Variants in KSR2 observed in about 807,000 individuals in gnomAD.
KSR2 encodes the protein kinase suppressor of ras 2.
In KSR2, 25 loss-of-function variants were observed where a neutral mutation model predicts 107.8. That is an observed-to-expected ratio of 0.23 (90% confidence interval 0.17 to 0.32). KSR2 has a LOEUF of 0.32. Ranked by LOEUF, KSR2 falls within the 10% of genes least tolerant of loss-of-function variation. The probability of loss-of-function intolerance (pLI) is 1.00; values close to 1 mark genes in which losing one functional copy is unlikely to be tolerated. For missense variants in KSR2, 887 were observed against 1,268.9 expected (o/e 0.70, Z 4.57); for synonymous variants, 480 against 507.0 (o/e 0.95, Z 0.71).
At chr12:117,496,448 C>T (rs1448177971) in intron 14 of KSR2, among the ~76,000 whole-genome samples, 1 of 152,184 alleles carries the variant, frequency 6.6e-6, no homozygotes. Flanking sequence ...AACGATGGGG[C>T]TGCACATCTC....
chr12:117,463,984 G>A lies in KSR2; in HGVS notation c.*3215C>T, dbSNP rs1871030386. 1 of 151,430 alleles carries A rather than the reference G, an allele frequency of 6.6e-6. No homozygotes were observed. The highest frequency in any genetic ancestry group is 1.5e-5 in the Non-Finnish European group (1 of 68,056). 9.4% of individuals were successfully genotyped at this position (151,430 alleles called of 1,614,324 possible). A position where few individuals can be genotyped will look rare whatever the true frequency, so the allele number is the denominator to read the frequency against. ...AAGTGGATGGGGTGAGGATGGGGGGGTCCATGGCAAGATGAAAATTTTCTC... is the reference window on the plus strand; with the variant it reads ...AAGTGGATGGGGTGAGGATGGGGGGATCCATGGCAAGATGAAAATTTTCTC... On this transcript the variant is annotated 3_prime_UTR_variant, in exon 20 of 20. Transcript: ENST00000339824.
In KSR2 at chr12:117,711,084, C is replaced by A. The variant is rs541868113; in HGVS notation, c.987-43426G>T. On this transcript the variant is annotated intron_variant, in intron 4 of 19. Transcript: ENST00000339824. ...CTCATTGCACTCTACATTTTCTTTC[C>A]TATCCCTTATCATAATTTTATAACT... Among the ~76,000 whole-genome samples the A allele has an allele frequency of 5.9e-5, 9 of 152,302 alleles. No homozygotes were observed. The East Asian group carries it at 1.5e-3, about 26-fold the overall frequency.
intron 5 of KSR2, among the ~76,000 whole-genome samples, chr12:117,646,165 A>G (rs1883629043): frequency 6.6e-6 from 1 of 152,228 alleles, no homozygotes; most frequent in Non-Finnish European, 1.5e-5. Context: ...GTACATGTTC[A>G]GTACAGACAT....
intron 5 of KSR2, among the ~76,000 whole-genome samples, chr12:117,613,643 C>T (rs1472614509): frequency 6.6e-6 from 1 of 152,184 alleles, no homozygotes; most frequent in African/African-American, 2.4e-5. Context: ...CACTGGAAGA[C>T]AGGATGTAAA....
intron 4 of KSR2, among the ~76,000 whole-genome samples, chr12:117,695,754 A>G (rs1175327253): frequency 6.6e-6 from 1 of 152,050 alleles, no homozygotes; most frequent in African/African-American, 2.4e-5. Flanking sequence ...AAAAAGAGAA[A>G]GAGATCTGTT....
At chr12:117,527,484 C>T (rs1356559148) in intron 12 of KSR2, among the ~76,000 whole-genome samples, 1 of 152,150 alleles carries the variant, frequency 6.6e-6, no homozygotes, top group Non-Finnish European at 1.5e-5. Context: ...GGCCTAAATG[C>T]CCTGGGTAGA....
intron 5 of KSR2, among the ~76,000 whole-genome samples, chr12:117,585,844 C>T (rs778337446): frequency 5.3e-5 from 8 of 152,198 alleles, no homozygotes; most frequent in Admixed American, 2.6e-4. Context: ...TTTGTGCATC[C>T]CTGGTGCCTA....
intron 5 of KSR2, among the ~76,000 whole-genome samples, chr12:117,627,592 C>T (rs529312175): frequency 2.0e-5 from 3 of 152,306 alleles, no homozygotes; most frequent in Admixed American, 2.0e-4. Context: ...ATGGGCTTCC[C>T]TTTGTGGGTA....
rs1468150165 is a variant in KSR2, at chr12:117,476,322, T to C, written c.2582+142A>G. 9.7e-6 allele frequency: 9 copies of C among 927,428 alleles called. No individual in the cohort carries two copies. In the Admixed American group the frequency reaches 1.7e-4, roughly 17 times the overall value. 57.4% of individuals were successfully genotyped at this position (927,428 alleles called of 1,614,324 possible). On this transcript the variant is annotated intron_variant, in intron 17 of 19. Transcript: ENST00000339824. ...TTCTTTCTAGTATACCCTACTCAGG[T>C]TCCTCCATTCTCACCCAAAAATCCA...
At chr12:117,604,130 C>T (rs759474072) in intron 5 of KSR2, among the ~76,000 whole-genome samples, 1 of 152,188 alleles carries the variant, frequency 6.6e-6, no homozygotes. Flanking sequence ...AAGGGGCATG[C>T]GGCTCAGCTG....
intron 4 of KSR2, among the ~76,000 whole-genome samples, chr12:117,759,255 T>C (rs1888910695): frequency 6.6e-6 from 1 of 152,156 alleles, no homozygotes; most frequent in African/African-American, 2.4e-5. Flanking sequence ...ATGGGCCAAA[T>C]TGGGCCAGGT....
chr12:117,934,160 T>C (rs554096864), intron 1 of KSR2, among the ~76,000 whole-genome samples: 6 of 152,198 alleles, frequency 3.9e-5, no homozygotes, highest in Admixed American at 3.3e-4. Context: ...GAATCTATTG[T>C]ATCCTCCAGC....
chr12:117,531,063 C>T, intron 11 of KSR2, 50 bp from the exon 12 acceptor site: 1 of 1,467,930 alleles, frequency 6.8e-7, no homozygotes, highest in Non-Finnish European at 9.5e-7. Flanking sequence ...AGTCCACAAC[C>T]CCCGCAAAGG....
chr12:117,756,008 C>T (rs1349960806), intron 4 of KSR2, among the ~76,000 whole-genome samples: 1 of 152,084 alleles, frequency 6.6e-6, no homozygotes, highest in Non-Finnish European at 1.5e-5. Flanking sequence ...TCTATGAAGG[C>T]TGAGAGAGGT....
intron 4 of KSR2, among the ~76,000 whole-genome samples, chr12:117,713,598 C>T (rs1053988961): frequency 6.6e-6 from 1 of 152,050 alleles, no homozygotes; most frequent in African/African-American, 2.4e-5. Flanking sequence ...ATTTGTTACA[C>T]CAGCACAGAT....
At chr12:117,471,072 A>G in intron 18 of KSR2, 119 bp downstream of exon 18, 1 of 1,255,078 alleles carries the variant, frequency 8.0e-7, no homozygotes, top group East Asian at 2.6e-5. Context: ...TGGAATGCAT[A>G]TTTTTTTGGT....
At chr12:117,732,008 G>A (rs1407063511) in intron 4 of KSR2, among the ~76,000 whole-genome samples, 2 of 145,480 alleles carry the variant, frequency 1.4e-5, no homozygotes, top group South Asian at 2.3e-4. Context: ...CCCCCTCTCC[G>A]AGAAACACCC....
intron 3 of KSR2, among the ~76,000 whole-genome samples, chr12:117,770,764 G>A (rs949354821): frequency 2.0e-5 from 3 of 151,494 alleles, no homozygotes; most frequent in African/African-American, 4.9e-5. Flanking sequence ...TCAGGAGATC[G>A]AGACCATCCT....
At chr12:117,911,853 AT>A (rs1895027172) in intron 1 of KSR2, among the ~76,000 whole-genome samples, 1 of 152,208 alleles carries the variant, frequency 6.6e-6, no homozygotes, top group Admixed American at 6.5e-5. Context: ...ACTCCAACAT[AT>A]TGCTTGGCAA....
Sources: gnomAD v4.1 joint callset for allele counts (sites outside exome capture counted in the v4.1 genomes callset) on GRCh38, gnomAD v4.1.1 for gene constraint, MANE v1.5 for transcripts, NCBI Gene and HGNC (gene_info 2026-07-23, HGNC 2026-07-21) for gene names.